Variants in PTPRD observed in about 807,000 individuals in gnomAD.
The protein encoded by PTPRD is receptor-type tyrosine-protein phosphatase delta.
In PTPRD, 34 loss-of-function variants were observed where a neutral mutation model predicts 214.5. The ratio of observed to expected loss-of-function variants is 0.16; its 90% CI spans 0.12 to 0.21. The LOEUF (loss-of-function observed/expected upper bound fraction) is 0.21, where lower values mean the gene tolerates loss of function less well. PTPRD is among the 10% of genes least tolerant of loss of function. The pLI is 1.00. For missense variants in PTPRD, 2,545 were observed against 2,398.7 expected, an observed-to-expected ratio of 1.06 and a Z score of -1.27; for synonymous variants, 1,128 against 845.7, an observed-to-expected ratio of 1.33 and a Z score of -5.79.
chr9:10,612,277 A>G (rs982744985), intron 2 of PTPRD, 121 bp downstream of exon 2: 2 of 152,064 alleles, frequency 1.3e-5, no homozygotes, highest in Non-Finnish European at 2.9e-5. Flanking sequence ...GAAGTTATAT[A>G]AGTCAAGTTA....
At chr9:9,067,094 T>C (rs1347776750) in intron 10 of PTPRD, among the ~76,000 whole-genome samples, 1 of 152,068 alleles carries the variant, frequency 6.6e-6, no homozygotes, top group Non-Finnish European at 1.5e-5. Context: ...AATAAAAAAA[T>C]TTAGCCCTCG....
chr9:9,752,366 G>C (rs1482432399), intron 6 of PTPRD, among the ~76,000 whole-genome samples: 2 of 151,990 alleles, frequency 1.3e-5, no homozygotes, highest in South Asian at 2.1e-4. Flanking sequence ...GTACGTAAGA[G>C]ATAGTCTGTG....
intron 39 of PTPRD, among the ~76,000 whole-genome samples, chr9:8,344,570 C>A (rs558677533): frequency 6.6e-6 from 1 of 151,896 alleles, no homozygotes; most frequent in African/African-American, 2.4e-5. Flanking sequence ...TTTTTTCCCC[C>A]ACAATTCAAA....
At chr9:9,219,067 T>G (rs1378913079) in intron 9 of PTPRD, among the ~76,000 whole-genome samples, 2 of 152,180 alleles carry the variant, frequency 1.3e-5, no homozygotes, top group African/African-American at 4.8e-5. Context: ...TCACATCGTG[T>G]GTGCCAATTA....
At chr9:9,657,684 A>G (rs926440331) in intron 7 of PTPRD, among the ~76,000 whole-genome samples, 5 of 152,234 alleles carry the variant, frequency 3.3e-5, no homozygotes, top group African/African-American at 7.2e-5. Flanking sequence ...TGTTTTTATT[A>G]TTGGCAGAAT....
intron 3 of PTPRD, among the ~76,000 whole-genome samples, chr9:10,091,441 C>T (rs1567628025): frequency 6.6e-6 from 1 of 151,336 alleles, no homozygotes; most frequent in Admixed American, 6.6e-5. Context: ...AAAATATTAG[C>T]AAGTAGAGTT....
chr9:9,068,390 A>G (rs1396877421), intron 10 of PTPRD, among the ~76,000 whole-genome samples: 1 of 152,182 alleles, frequency 6.6e-6, no homozygotes, highest in African/African-American at 2.4e-5. Context: ...TTGCATAGTA[A>G]TTGCTTGTTT....
At chr9:9,638,202 AT>A (rs2095833932) in intron 7 of PTPRD, among the ~76,000 whole-genome samples, 1 of 152,026 alleles carries the variant, frequency 6.6e-6, no homozygotes, top group African/African-American at 2.4e-5. Context: ...AAATCTTCAT[AT>A]TTTGCTTCTC....
chr9:9,867,667 T>A (rs1212590529), intron 5 of PTPRD, among the ~76,000 whole-genome samples: 1 of 152,126 alleles, frequency 6.6e-6, no homozygotes, highest in Admixed American at 6.6e-5. Context: ...TCTCCCCAAA[T>A]CTAGGTGGAG....
chr9:9,896,259 C>T (rs2074946480), intron 5 of PTPRD, among the ~76,000 whole-genome samples: 1 of 151,914 alleles, frequency 6.6e-6, no homozygotes, highest in Admixed American at 6.6e-5. Flanking sequence ...TTTGCTGGAG[C>T]AAATGAAAGA....
At chr9:9,507,559 C>T (rs1223403549) in intron 8 of PTPRD, among the ~76,000 whole-genome samples, 1 of 151,176 alleles carries the variant, frequency 6.6e-6, no homozygotes, top group Non-Finnish European at 1.5e-5. Flanking sequence ...GAAAGTAAAG[C>T]TAGTATGATG....
chr9:10,420,968 C>T (rs1331642840), intron 2 of PTPRD, among the ~76,000 whole-genome samples: 1 of 151,738 alleles, frequency 6.6e-6, no homozygotes, highest in Non-Finnish European at 1.5e-5. Context: ...TTATCATTTA[C>T]ACAGGGATTC....
At chr9:8,324,823 G>T (rs1002733124) in intron 44 of PTPRD, among the ~76,000 whole-genome samples, 1 of 147,786 alleles carries the variant, frequency 6.8e-6, no homozygotes, top group Non-Finnish European at 1.5e-5. Context: ...TCTCATTGTG[G>T]TTTTGATTTG....
chr9:8,369,444 C>T (rs7852819), intron 39 of PTPRD, among the ~76,000 whole-genome samples: 6,423 of 151,526 alleles, frequency 0.042, 457 homozygotes, highest in African/African-American at 0.15. Flanking sequence ...GTTTTTACAA[C>T]CCCAAACTGG....
At chr9:8,865,718 G>A (rs533679353) in intron 11 of PTPRD, among the ~76,000 whole-genome samples, 84 of 152,240 alleles carry the variant, frequency 5.5e-4, no homozygotes, top group Admixed American at 2.0e-3. Context: ...ATGATAGCAT[G>A]TGCTTAGATA....
chr9:10,198,714 A>G (rs2099407675), intron 3 of PTPRD, among the ~76,000 whole-genome samples: 1 of 152,162 alleles, frequency 6.6e-6, no homozygotes, highest in Non-Finnish European at 1.5e-5. Context: ...CCTATTCTGC[A>G]GCAGATTAAT....
At chr9:8,775,888 C>T (rs986187674) in intron 11 of PTPRD, among the ~76,000 whole-genome samples, 1 of 151,396 alleles carries the variant, frequency 6.6e-6, no homozygotes, top group African/African-American at 2.4e-5. Context: ...AGAATAGTAA[C>T]AATGATATAA....
intron 14 of PTPRD, among the ~76,000 whole-genome samples, chr9:8,586,251 G>C (rs907261321): frequency 2.1e-5 from 3 of 145,948 alleles, no homozygotes; most frequent in Admixed American, 6.7e-5. Flanking sequence ...GGTGAGCTGA[G>C]ATTGCACCAA....
intron 2 of PTPRD, among the ~76,000 whole-genome samples, chr9:10,601,814 A>T (rs1434120917): frequency 2.0e-5 from 3 of 151,756 alleles, no homozygotes; most frequent in African/African-American, 7.2e-5. Flanking sequence ...CCAGTGGAAA[A>T]GTTTACATCA....
Sources: gnomAD v4.1 joint callset for allele counts (sites outside exome capture counted in the v4.1 genomes callset) on GRCh38, gnomAD v4.1.1 for gene constraint, MANE v1.5 for transcripts, NCBI Gene and HGNC (gene_info 2026-07-23, HGNC 2026-07-21) for gene names.